The following NPSR1 variants were observed in gnomAD, a reference collection of about 807,000 sequenced individuals.
NPSR1 encodes neuropeptide S receptor.
NPSR1 carries 48 observed loss-of-function variants against 46.9 expected under a neutral mutation model. The observed-to-expected ratio is 1.02, with a 90% CI of 0.81 to 1.30. The LOEUF is 1.30. NPSR1 is among the 50% of genes most tolerant of loss of function. The probability of loss-of-function intolerance (pLI) is 0.00; values close to 1 mark genes in which losing one functional copy is unlikely to be tolerated. For missense variants in NPSR1, 450 were observed against 449.5 expected (o/e 1.00, Z -0.01); for synonymous variants, 176 against 168.1 (o/e 1.05, Z -0.36).
rs147886378 is a variant in NPSR1 at position 34,776,578 on chromosome 7, G to A, written c.281-1884G>A. ...ATCTTTTCCCATCCCTTTATTTTCC[G>A]CCTACATATGCCTTATGTCTTTATT... On this transcript the variant is annotated intron_variant, in intron 2 of 8. Coordinates refer to ENST00000360581, the MANE Select transcript of NPSR1 (RefSeq NM_207172.2). 1.4e-4 allele frequency among the ~76,000 whole-genome samples: 21 copies of A among 151,858 alleles called. No homozygotes were observed. The East Asian group carries it at 3.1e-3, about 22-fold the overall frequency.
intron 2 of NPSR1, among the ~76,000 whole-genome samples, chr7:34,694,489 C>T (rs764377410): frequency 2.6e-5 from 4 of 152,218 alleles, no homozygotes; most frequent in Non-Finnish European, 5.9e-5. Flanking sequence ...ACAAGGACAA[C>T]TACAAAAAGT....
chr7:34,769,518 C>T (rs1046115910), intron 2 of NPSR1, among the ~76,000 whole-genome samples: 4 of 152,108 alleles, frequency 2.6e-5, no homozygotes, highest in African/African-American at 9.7e-5. Context: ...CCCATTTTTG[C>T]CACTTCCTAG....
At position 34,866,992 on chromosome 7, in the gene NPSR1, A is replaced by G. The variant is rs189771153; in HGVS notation, c.1026-11084A>G. On this transcript the variant is annotated intron_variant, in intron 8 of 8. Transcript: ENST00000359791. ...AGAACTAAAGCCAGGCCTCAGTGTC[A>G]TCTTTCCACCCAGGAGCAAGACTGA... is the stretch of plus-strand genomic sequence containing the variant. Among the ~76,000 whole-genome samples the G allele has an allele frequency of 9.7e-4, 147 of 151,750 alleles. 6 individuals carry two copies. Among genetic ancestry groups the G allele is most frequent in the African/African-American group, 3.5e-3 (143 of 41,094 alleles).
chr7:34,845,579 A>G (rs1790712069), intron 7 of NPSR1: 1 of 455,420 alleles, frequency 2.2e-6, no homozygotes. Flanking sequence ...CACCTCCCTG[A>G]GGGCTCCTTG....
At chr7:34,815,448 A>C (rs1288014956) in intron 4 of NPSR1, among the ~76,000 whole-genome samples, 3 of 152,226 alleles carry the variant, frequency 2.0e-5, no homozygotes, top group Non-Finnish European at 4.4e-5. Flanking sequence ...ACATTTGATT[A>C]GTGTACCTGA....
intron 4 of NPSR1, among the ~76,000 whole-genome samples, chr7:34,816,263 A>G (rs1358718735): frequency 8.3e-6 from 1 of 121,102 alleles, no homozygotes; most frequent in Non-Finnish European, 1.7e-5. Context: ...CAGGGGTTGC[A>G]ATCCTAGTGT....
intron 3 of NPSR1, among the ~76,000 whole-genome samples, chr7:34,799,028 A>C (rs948453352): frequency 2.0e-5 from 3 of 152,128 alleles, no homozygotes; most frequent in Non-Finnish European, 4.4e-5. Flanking sequence ...TAATAAACTA[A>C]TCTTAGGCCT....
intron 2 of NPSR1, among the ~76,000 whole-genome samples, chr7:34,716,511 T>C (rs1346749094): frequency 6.6e-6 from 1 of 152,226 alleles, no homozygotes; most frequent in Non-Finnish European, 1.5e-5. Context: ...GCTTGACTTC[T>C]TTCTGCTTCA....
At chr7:34,738,799 G>T (rs1784803351) in intron 2 of NPSR1, among the ~76,000 whole-genome samples, 1 of 151,958 alleles carries the variant, frequency 6.6e-6, no homozygotes, top group Non-Finnish European at 1.5e-5. Flanking sequence ...CAATTAAGCG[G>T]CAGTTAGTAC....
At chr7:34,857,746 A>T (rs1182126608) in intron 8 of NPSR1, among the ~76,000 whole-genome samples, 1 of 151,800 alleles carries the variant, frequency 6.6e-6, no homozygotes, top group Non-Finnish European at 1.5e-5. Context: ...ATATATTAAA[A>T]ATGTGAAAAG....
chr7:34,747,536 A>G (rs1306698260), intron 2 of NPSR1, among the ~76,000 whole-genome samples: 1 of 152,246 alleles, frequency 6.6e-6, no homozygotes, highest in Non-Finnish European at 1.5e-5. Flanking sequence ...CTGACAGCTA[A>G]GTGCAAGGTG....
At chr7:34,739,075 A>AT (rs985598589) in intron 2 of NPSR1, among the ~76,000 whole-genome samples, 1 of 152,108 alleles carries the variant, frequency 6.6e-6, no homozygotes, top group Non-Finnish European at 1.5e-5. Flanking sequence ...TCAATACTTC[A>AT]TTTTTTTATG....
At chr7:34,747,639 C>T (rs544442366) in intron 2 of NPSR1, among the ~76,000 whole-genome samples, 15 of 152,284 alleles carry the variant, frequency 9.9e-5, no homozygotes, top group South Asian at 6.2e-4. Context: ...CACACACACA[C>T]GTGCACGAGC....
At chr7:34,872,409 C>T (rs1260317303) in intron 8 of NPSR1, among the ~76,000 whole-genome samples, 1 of 151,962 alleles carries the variant, frequency 6.6e-6, no homozygotes, top group African/African-American at 2.4e-5. Flanking sequence ...CCCATTCTCT[C>T]AGGTATTAAC....
At chr7:34,818,518 C>T (rs932320511) in intron 4 of NPSR1, among the ~76,000 whole-genome samples, 11 of 152,114 alleles carry the variant, frequency 7.2e-5, no homozygotes, top group African/African-American at 2.7e-4. Context: ...GATTCAGTGC[C>T]ATCCCCATCA....
At chr7:34,854,724 T>C (rs1262029325), downstream of NPSR1, among the ~76,000 whole-genome samples, 1 of 152,234 alleles carries the variant, frequency 6.6e-6, no homozygotes, top group African/African-American at 2.4e-5. Flanking sequence ...ATGGGGAATT[T>C]TATCACACTT....
intron 4 of NPSR1, among the ~76,000 whole-genome samples, chr7:34,815,394 C>G (rs80137451): frequency 1.3e-5 from 2 of 152,146 alleles, no homozygotes; most frequent in African/African-American, 4.8e-5. Context: ...AAGAAACAAA[C>G]AAAGCCTCCA....
chr7:34,689,102 G>T (rs1205335561), intron 2 of NPSR1, among the ~76,000 whole-genome samples: 4 of 152,158 alleles, frequency 2.6e-5, no homozygotes, highest in Admixed American at 2.6e-4. Flanking sequence ...AGGAGAGCTT[G>T]CTTAGTCTAG....
chr7:34,727,921 T>C (rs1156777838), intron 2 of NPSR1, among the ~76,000 whole-genome samples: 1 of 152,108 alleles, frequency 6.6e-6, no homozygotes, highest in Non-Finnish European at 1.5e-5. Flanking sequence ...GGAAATGATT[T>C]TTTAAAAATC....
Sources: gnomAD v4.1 joint callset for allele counts (sites outside exome capture counted in the v4.1 genomes callset) on GRCh38, gnomAD v4.1.1 for gene constraint, MANE v1.5 for transcripts, NCBI Gene and HGNC (gene_info 2026-07-23, HGNC 2026-07-21) for gene names.